The following ADCY2 variants were observed in gnomAD, a reference collection of about 807,000 sequenced individuals.
ADCY2 encodes adenylate cyclase 2, also known as adenylate cyclase type 2.
Under a neutral mutation model 125.2 loss-of-function variants are expected in ADCY2, and 31 were observed. The observed-to-expected ratio is 0.25, with a 90% CI of 0.19 to 0.33. The LOEUF is 0.33. Among genes scored for constraint, ADCY2 ranks in the 10% least tolerant of loss-of-function variants. The pLI is 1.00. For missense variants in ADCY2, 904 were observed against 1,418.2 expected (o/e 0.64, Z 5.82); for synonymous variants, 512 against 548.4 (o/e 0.93, Z 0.93).
chr5:7,565,387 A>G (rs945133006), intron 3 of ADCY2, among the ~76,000 whole-genome samples: 6 of 152,218 alleles, frequency 3.9e-5, no homozygotes, highest in Non-Finnish European at 8.8e-5. Context: ...TCTTTCTTAT[A>G]TGCTGAAATA....
intron 4 of ADCY2, among the ~76,000 whole-genome samples, chr5:7,662,824 GAGA>G (rs1164073386): frequency 6.6e-6 from 1 of 152,198 alleles, no homozygotes; most frequent in East Asian, 1.9e-4. Context: ...CAAGAGCACA[GAGA>G]AGTTCTGGGT....
chr5:7,741,974 C>T (rs1191518185), intron 14 of ADCY2, among the ~76,000 whole-genome samples: 2 of 151,774 alleles, frequency 1.3e-5, no homozygotes, highest in East Asian at 3.9e-4. Flanking sequence ...TAATTTTATA[C>T]TTGAGTTTTA....
intron 2 of ADCY2, among the ~76,000 whole-genome samples, chr5:7,484,110 A>G (rs1043039734): frequency 3.3e-5 from 5 of 152,272 alleles, no homozygotes; most frequent in Non-Finnish European, 7.3e-5. Flanking sequence ...CAATTGATGA[A>G]ATAGTCTTCC....
At chr5:7,745,732 T>C (rs188339722) in intron 15 of ADCY2, among the ~76,000 whole-genome samples, 113 of 152,294 alleles carry the variant, frequency 7.4e-4, no homozygotes, top group Non-Finnish European at 1.3e-3. Context: ...AATCCCAACC[T>C]AGTTCTAATT....
Position 7,784,532 on chromosome 5 carries a change from T to C in ADCY2, c.2469+83T>C, listed in dbSNP as rs558430758. On this transcript the variant is annotated intron_variant, in intron 19 of 24. Coordinates refer to ENST00000338316, the MANE Select transcript of ADCY2 (RefSeq NM_020546.3). ...GTGCTTTGCTGTGCATTGTAGTTAA[T>C]CTTCTTGGAAACAAACGTCTAAGAA... 1.3e-5 allele frequency: 13 copies of C among 1,018,966 alleles called. No homozygotes were observed. In the East Asian group the frequency reaches 2.7e-4, roughly 21 times the overall value. 63.1% of individuals were successfully genotyped at this position (1,018,966 alleles called of 1,614,324 possible).
At chr5:7,726,935 C>A (rs573959046) in intron 13 of ADCY2, among the ~76,000 whole-genome samples, 1 of 152,160 alleles carries the variant, frequency 6.6e-6, no homozygotes, top group Non-Finnish European at 1.5e-5. Context: ...GGTTTGAGAA[C>A]AGTTCCACTC....
chr5:7,722,157 C>T (rs1482133915), intron 12 of ADCY2, among the ~76,000 whole-genome samples: 1 of 152,118 alleles, frequency 6.6e-6, no homozygotes, highest in African/African-American at 2.4e-5. Flanking sequence ...AGTCGTGTCC[C>T]CAAGCACAGA....
At chr5:7,592,449 TAA>T (rs1476129985) in intron 3 of ADCY2, among the ~76,000 whole-genome samples, 4 of 151,988 alleles carry the variant, frequency 2.6e-5, no homozygotes, top group Middle Eastern at 3.4e-3. Flanking sequence ...TGAAAGAAAA[TAA>T]AATCTGGAGA....
At chr5:7,725,483 G>T (rs10079701) in intron 13 of ADCY2, among the ~76,000 whole-genome samples, 140,016 of 152,132 alleles carry the variant, frequency 0.92, 65,339 homozygotes, top group East Asian at 1. Context: ...TATGTTGGTG[G>T]TCAAGAGGAT....
intron 2 of ADCY2, among the ~76,000 whole-genome samples, chr5:7,515,965 G>A (rs1208243015): frequency 4.6e-5 from 7 of 152,182 alleles, no homozygotes; most frequent in Non-Finnish European, 8.8e-5. Context: ...GGTGGTCTGA[G>A]GCAAGCTACA....
chr5:7,418,501 G>A (rs1320750702), intron 2 of ADCY2, among the ~76,000 whole-genome samples: 1 of 152,068 alleles, frequency 6.6e-6, no homozygotes, highest in Admixed American at 6.5e-5. Context: ...TGTGCCTCAT[G>A]CAGTGGACCG....
At position 7,757,571 on chromosome 5, in the gene ADCY2, G is replaced by T. The variant is rs1560953553; in HGVS notation, c.2079G>T (p.Met693Ile). 1.3e-6 allele frequency: 2 copies of T among 1,566,386 alleles called. No homozygotes were observed. The change falls in exon 16 of 25, where the codon ATG becomes ATT. Residue 693 changes from methionine (M) to isoleucine (I), a missense_variant. Physicochemically the swap from Met to Ile is conservative, Grantham distance 10 (BLOSUM62 1). Coordinates refer to ENST00000338316, the MANE Select transcript of ADCY2 (RefSeq NM_020546.3). Reference protein sequence around the residue: ...TIITTAIILMMAVFNMFFLSD... With the variant: ...TIITTAIILMIAVFNMFFLSD... ...TCACCACAGCCATCATATTAATGAT[G>T]GCCGTGTTCAACATGGTAAGTCCCA...
At chr5:7,812,724 A>G in intron 22 of ADCY2, among the ~76,000 whole-genome samples, 1 of 152,190 alleles carries the variant, frequency 6.6e-6, no homozygotes, top group East Asian at 1.9e-4. Context: ...CCTGGCCAAC[A>G]CGGTGAAACC....
rs962089062 is a variant in ADCY2, at chr5:7,707,879, G to A, written c.1401+41G>A. 11 of 1,586,412 alleles carry A rather than the reference G, an allele frequency of 6.9e-6. No individual in the cohort carries two copies. The African/African-American group carries it at 9.5e-5, about 14-fold the overall frequency. ...AAGAGTCTATGATGAAAAGGGAGGA[G>A]GAGCAAATTATTGATATTCATAAGT... On this transcript the variant is annotated intron_variant, in intron 9 of 24. Coordinates refer to ENST00000338316, the MANE Select transcript of ADCY2 (RefSeq NM_020546.3).
chr5:7,525,017 T>A (rs1020857932), intron 3 of ADCY2, among the ~76,000 whole-genome samples: 9 of 150,594 alleles, frequency 6.0e-5, no homozygotes, highest in African/African-American at 2.3e-4. Flanking sequence ...TTATTTATTT[T>A]TTAGAGATGG....
At chr5:7,459,779 T>A (rs1741846559) in intron 2 of ADCY2, among the ~76,000 whole-genome samples, 10 of 99,170 alleles carry the variant, frequency 1.0e-4, no homozygotes, top group African/African-American at 6.3e-4. Flanking sequence ...GTAATTTTTT[T>A]TTTTTTTTTT....
intron 1 of ADCY2, among the ~76,000 whole-genome samples, chr5:7,408,481 C>T (rs1739587655): frequency 6.6e-6 from 1 of 151,952 alleles, no homozygotes; most frequent in African/African-American, 2.4e-5. Flanking sequence ...GATTCTGTTG[C>T]CTCAGCCTCC....
chr5:7,504,557 A>G (rs1346672537), intron 2 of ADCY2, among the ~76,000 whole-genome samples: 1 of 151,820 alleles, frequency 6.6e-6, no homozygotes, highest in African/African-American at 2.4e-5. Flanking sequence ...AGCAAGAAGT[A>G]CCATTTTTTC....
At chr5:7,743,643 C>G (rs1742510715) in intron 14 of ADCY2, 25 bp from the exon 15 acceptor site, 1 of 1,607,910 alleles carries the variant, frequency 6.2e-7, no homozygotes, top group Non-Finnish European at 8.5e-7. Context: ...TCCACCCTGA[C>G]TTGCTGCTTT....
Sources: gnomAD v4.1 joint callset for allele counts (sites outside exome capture counted in the v4.1 genomes callset) on GRCh38, gnomAD v4.1.1 for gene constraint, MANE v1.5 for transcripts, NCBI Gene and HGNC (gene_info 2026-07-23, HGNC 2026-07-21) for gene names.